Variants in DCC observed in about 807,000 individuals in gnomAD.
DCC encodes DCC netrin 1 receptor, also known as netrin receptor DCC.
In DCC, 58 loss-of-function variants were observed where a neutral mutation model predicts 172.5. The observed-to-expected ratio is 0.34, with a 90% CI of 0.27 to 0.42. The LOEUF (loss-of-function observed/expected upper bound fraction) is 0.42. Ranked by LOEUF, DCC falls within the 10% of genes least tolerant of loss-of-function variation. The pLI is 1.00. For synonymous variants in DCC, 709 were observed against 644.5 expected, an observed-to-expected ratio of 1.10 and a Z score of -1.52; for missense variants, 1,740 against 1,791.0, an observed-to-expected ratio of 0.97 and a Z score of 0.51.
chr18:52,449,488 C>T (rs1006259641), intron 1 of DCC, among the ~76,000 whole-genome samples: 1 of 152,180 alleles, frequency 6.6e-6, no homozygotes, highest in Non-Finnish European at 1.5e-5. Flanking sequence ...TTCTGAGTTG[C>T]AGTTACAGTA....
At chr18:52,703,778 C>A (rs2036164089) in intron 1 of DCC, among the ~76,000 whole-genome samples, 2 of 139,798 alleles carry the variant, frequency 1.4e-5, no homozygotes, top group Non-Finnish European at 1.6e-5. Context: ...TGACTTAAAA[C>A]TAAAGGAAAC....
In DCC at chr18:53,531,014, C is replaced by G. The variant is rs2046520134; in HGVS notation, c.*361C>G. 1 of 364,972 alleles carries G rather than the reference C, an allele frequency of 2.7e-6. No homozygotes were observed. The highest frequency in any genetic ancestry group is 5.3e-6 in the Non-Finnish European group (1 of 189,808). The allele number at this position is 364,972 out of a possible 1,614,324, so 22.6% of individuals were successfully genotyped here. A position where few individuals can be genotyped will look rare whatever the true frequency, so the allele number is the denominator to read the frequency against. On this transcript the variant is annotated 3_prime_UTR_variant, in exon 29 of 29. Transcript: ENST00000442544. ...AAGGCCTGTTGTTTAATGTGTAGGT[C>G]TAGTCTTACAAAATGCAAGTGCATT...
intron 7 of DCC, among the ~76,000 whole-genome samples, chr18:53,149,533 C>T (rs567443862): frequency 2.6e-5 from 4 of 152,186 alleles, no homozygotes; most frequent in South Asian, 2.1e-4. Flanking sequence ...CTAGCCACCT[C>T]GCCAAGCTGC....
At chr18:52,497,514 T>A (rs1598865767) in intron 1 of DCC, among the ~76,000 whole-genome samples, 1 of 145,436 alleles carries the variant, frequency 6.9e-6, no homozygotes, top group East Asian at 2.1e-4. Context: ...TTGATATAGT[T>A]TTCTTTCCAC....
chr18:53,072,258 C>T (rs2042663639), intron 7 of DCC, among the ~76,000 whole-genome samples: 1 of 152,092 alleles, frequency 6.6e-6, no homozygotes. Context: ...ATTAATTACT[C>T]CCATGTTACC....
intron 7 of DCC, among the ~76,000 whole-genome samples, chr18:53,068,564 A>G (rs983600669): frequency 1.3e-5 from 2 of 151,966 alleles, no homozygotes; most frequent in Admixed American, 1.3e-4. Context: ...ACAATGCAAG[A>G]TAAGTGACTT....
chr18:52,508,529 C>G (rs1598874714), intron 1 of DCC, among the ~76,000 whole-genome samples: 1 of 152,184 alleles, frequency 6.6e-6, no homozygotes, highest in South Asian at 2.1e-4. Context: ...ATGAAAAAAG[C>G]TGGAGAAGTT....
At chr18:53,504,323 G>A (rs1400619052) in intron 27 of DCC, among the ~76,000 whole-genome samples, 1 of 152,186 alleles carries the variant, frequency 6.6e-6, no homozygotes, top group African/African-American at 2.4e-5. Context: ...GAGGTCATGG[G>A]AGATCAGACA....
At chr18:52,572,710 A>AATC (rs2033327776) in intron 1 of DCC, among the ~76,000 whole-genome samples, 1 of 152,154 alleles carries the variant, frequency 6.6e-6, no homozygotes, top group African/African-American at 2.4e-5. Context: ...GCAGACCAAG[A>AATC]ATCTTGTGTA....
chr18:53,262,976 A>G (rs939772630), intron 12 of DCC, among the ~76,000 whole-genome samples: 7 of 152,204 alleles, frequency 4.6e-5, no homozygotes, highest in African/African-American at 1.7e-4. Flanking sequence ...CTGTAGATTT[A>G]TTGGTCTTTC....
intron 12 of DCC, among the ~76,000 whole-genome samples, chr18:53,250,238 A>G (rs917185978): frequency 2.6e-5 from 4 of 152,026 alleles, no homozygotes; most frequent in African/African-American, 7.2e-5. Context: ...AATATTCACT[A>G]TATAGATTCT....
chr18:52,785,011 G>A (rs2037629610), intron 2 of DCC, among the ~76,000 whole-genome samples: 1 of 151,826 alleles, frequency 6.6e-6, no homozygotes, highest in African/African-American at 2.4e-5. Flanking sequence ...AGATTTTATA[G>A]GAAGGCTGGA....
chr18:52,969,567 T>C (rs1433595922), intron 5 of DCC, among the ~76,000 whole-genome samples: 1 of 119,010 alleles, frequency 8.4e-6, no homozygotes, highest in African/African-American at 3.0e-5. Flanking sequence ...GCAATTTCCT[T>C]ATTTGCCCCG....
intron 1 of DCC, among the ~76,000 whole-genome samples, chr18:52,343,717 G>A (rs960322095): frequency 2.6e-5 from 4 of 152,206 alleles, no homozygotes. Flanking sequence ...CTTCATACAT[G>A]TTTGGGTTCC....
intron 2 of DCC, among the ~76,000 whole-genome samples, chr18:52,868,033 GTATATA>G (rs1555675493): frequency 1.5e-4 from 18 of 120,474 alleles, no homozygotes; most frequent in East Asian, 2.3e-4. Flanking sequence ...GTGTATGTGT[GTATATA>G]TATATATATA....
Position 52,906,209 on chromosome 18 carries a change from C to G in DCC, c.578C>G (p.Pro193Arg). 4 of 1,613,866 alleles carry G rather than the reference C, an allele frequency of 2.5e-6. No homozygotes were observed. Among genetic ancestry groups the G allele is most frequent in the Non-Finnish European group, 3.4e-6 (4 of 1,179,934 alleles). Residue 193 changes from proline (P) to arginine (R), a missense_variant, in exon 3 of 29, where the codon CCC becomes CGC. Physicochemically the swap from Pro to Arg is moderately radical, Grantham distance 103 (BLOSUM62 -2). Transcript: ENST00000442544. ...GGTGACTCCCGAGTGGTGGTCTTGC[C>G]CTCTGGAGCATTGCAGATCAGCCGA... The part of the protein sequence containing the change: ...IPGDSRVVVL[P>R]SGALQISRLQ...
chr18:53,043,188 A>C (rs1165248682), intron 5 of DCC, among the ~76,000 whole-genome samples: 1 of 151,738 alleles, frequency 6.6e-6, no homozygotes, highest in Non-Finnish European at 1.5e-5. Context: ...GAAGCTGGAA[A>C]CCATCATTCT....
intron 8 of DCC, among the ~76,000 whole-genome samples, chr18:53,167,196 G>C (rs114111921): frequency 0.015 from 2,345 of 152,276 alleles, 67 homozygotes; most frequent in African/African-American, 0.054. Context: ...TTAACACTCT[G>C]AGGCACTTAG....
At chr18:53,363,554 C>T (rs368489913) in intron 15 of DCC, among the ~76,000 whole-genome samples, 14 of 152,194 alleles carry the variant, frequency 9.2e-5, no homozygotes, top group African/African-American at 3.4e-4. Context: ...TCCATTCTCT[C>T]CCGTGGCCCT....
Sources: allele counts gnomAD v4.1 joint callset (sites outside exome capture counted in the v4.1 genomes callset), GRCh38; gene constraint gnomAD v4.1.1; transcripts MANE v1.5; gene names NCBI Gene and HGNC (gene_info 2026-07-23, HGNC 2026-07-21).